NPHP4: variants seen among roughly 807,000 people sequenced by gnomAD.
The protein encoded by NPHP4 is nephrocystin-4.
In NPHP4, 151 loss-of-function variants were observed where a neutral mutation model predicts 155.8. That is an observed-to-expected ratio of 0.97 (90% CI 0.85 to 1.11). NPHP4 has a LOEUF of 1.11. NPHP4 is among the 50% of genes least tolerant of loss of function. The pLI is 0.00. For synonymous variants in NPHP4, 845 were observed against 816.8 expected, an observed-to-expected ratio of 1.03 and a Z score of -0.59; for missense variants, 1,956 against 1,925.7, an observed-to-expected ratio of 1.02 and a Z score of -0.29.
chr1:5,915,485 T>C (rs1645425061), intron 11 of NPHP4, among the ~76,000 whole-genome samples: 1 of 152,182 alleles, frequency 6.6e-6, no homozygotes, highest in Non-Finnish European at 1.5e-5. Context: ...AAAGTCATTG[T>C]TCCTAAGAGT....
At chr1:5,967,191 C>A in intron 5 of NPHP4, 108 bp downstream of exon 5, 1 of 840,918 alleles carries the variant, frequency 1.2e-6, no homozygotes, top group Non-Finnish European at 1.9e-6. Flanking sequence ...ATTAGCTAAG[C>A]AGATAGCAGT....
At chr1:5,878,182 C>G (rs17432065) in intron 19 of NPHP4, among the ~76,000 whole-genome samples, 2 of 152,184 alleles carry the variant, frequency 1.3e-5, no homozygotes, top group Non-Finnish European at 2.9e-5. Context: ...CCGAGCTCTC[C>G]CAGCCTGGTT....
chr1:5,869,540 T>C (rs546516598), intron 23 of NPHP4, among the ~76,000 whole-genome samples: 29 of 152,356 alleles, frequency 1.9e-4, no homozygotes, highest in Admixed American at 1.8e-3. Context: ...GTATTAAAAA[T>C]AAACAAATCT....
chr1:5,880,015 ACATGCACACACG>A (rs1260832551), intron 19 of NPHP4, 87 bp downstream of exon 19: 30 of 1,356,672 alleles, frequency 2.2e-5, no homozygotes, highest in South Asian at 1.9e-4. Context: ...ACACACACAC[ACATGCACACACG>A]CATGCACACA....
chr1:5,939,800 G>A (rs974120446), intron 9 of NPHP4, among the ~76,000 whole-genome samples: 5 of 152,202 alleles, frequency 3.3e-5, no homozygotes, highest in Non-Finnish European at 5.9e-5. Flanking sequence ...GTGAGACCGC[G>A]TTGTCTATGA....
rs370942610 is a variant in NPHP4, at chr1:5,865,194, C to T, written c.3724G>A (p.Ala1242Thr). The change falls in exon 27 of 30, where the codon GCA becomes ACA. Residue 1242 changes from alanine to threonine, a missense_variant. Transcript: ENST00000378156. Reference sequence around the variant, plus strand: ...AGGGACAGGCGGGTCAGCTGGCCTGCGACGCAGGAGACATCCACGCGCTGC... The same window carrying T: ...AGGGACAGGCGGGTCAGCTGGCCTGTGACGCAGGAGACATCCACGCGCTGC... The part of the protein sequence containing the change: ...SLQRVDVSCV[A>T]GQLTRLSLVL... 1.9e-5 allele frequency: 31 copies of T among 1,612,074 alleles called. No individual in the cohort carries two copies. The highest frequency in any genetic ancestry group is 1.3e-4 in the South Asian group (12 of 90,948).
Position 5,905,718 on chromosome 1 carries a change from G to T in NPHP4, c.1677C>A (p.Val559=), listed in dbSNP as rs766269440. 4 of 1,613,520 alleles carry T rather than the reference G, an allele frequency of 2.5e-6. No homozygotes were observed. The highest frequency in any genetic ancestry group is 3.3e-5 in the Admixed American group (2 of 59,946). ...LEADLSQTSL[V]LETSIAEQLQ... ...ACTGTTCGGCAATGGATGTTTCCAG[G>T]ACCAGGGAGGTCTGGCTCAGGTCGG... Residue 559 remains valine (V), a synonymous_variant, in exon 14 of 30, where the codon GTC becomes GTA. Transcript: ENST00000378156. This position sits in a 1 kb window ranked among gnomAD's most constrained non-coding sequence, Gnocchi z 4.0.
At chr1:5,972,293 A>T (rs1291083913) in intron 3 of NPHP4, among the ~76,000 whole-genome samples, 2 of 152,150 alleles carry the variant, frequency 1.3e-5, no homozygotes, top group African/African-American at 4.8e-5. Flanking sequence ...TCTGGCTCAG[A>T]CTCACACTGC....
intron 19 of NPHP4, among the ~76,000 whole-genome samples, chr1:5,877,974 C>G (rs1294740329): frequency 6.6e-6 from 1 of 152,240 alleles, no homozygotes; most frequent in Non-Finnish European, 1.5e-5. Flanking sequence ...CGACACAGAG[C>G]AGGGGCTTGG....
At chr1:5,949,990 CA>C (rs1284093399) in intron 7 of NPHP4, among the ~76,000 whole-genome samples, 1 of 152,102 alleles carries the variant, frequency 6.6e-6, no homozygotes, top group Middle Eastern at 3.2e-3. Context: ...GTTTTAAACA[CA>C]GAAGAAAAAT....
intron 29 of NPHP4, 73 bp downstream of exon 29, chr1:5,863,817 A>T: frequency 6.6e-7 from 1 of 1,526,560 alleles, no homozygotes; most frequent in Admixed American, 1.7e-5. Context: ...CTCGCTCCTA[A>T]ATGCAGGCTA....
At position 5,905,874 on chromosome 1, in the gene NPHP4, A is replaced by T. The variant is rs1366862165; in HGVS notation, c.1612-91T>A. 2.4e-5 allele frequency: 31 copies of T among 1,275,798 alleles called. No homozygotes were observed. The highest frequency in any genetic ancestry group is 3.1e-5 in the Non-Finnish European group (29 of 922,512). The allele number at this position is 1,275,798 out of a possible 1,614,324, so 79.0% of individuals were successfully genotyped here. The stretch of plus-strand genomic sequence containing the variant: ...TCAGATCTAAGGGGATTCATCGATT[A>T]ATTGCCTCTGGAGGGTTGCCAGCTC... On this transcript the variant is annotated intron_variant, in intron 13 of 29. Coordinates refer to ENST00000378156, the MANE Select transcript of NPHP4 (RefSeq NM_015102.5). This position sits in a 1 kb window ranked among gnomAD's most constrained non-coding sequence, Gnocchi z 4.0.
chr1:5,947,333 G>A (rs571392804), intron 8 of NPHP4, 103 bp from the exon 9 acceptor site: 5 of 1,240,990 alleles, frequency 4.0e-6, no homozygotes, highest in Admixed American at 3.9e-5. Context: ...CACCCTGGGG[G>A]ACACAGGGGT....
chr1:5,869,406 G>A (rs761429083), intron 23 of NPHP4, among the ~76,000 whole-genome samples: 1 of 152,198 alleles, frequency 6.6e-6, no homozygotes, highest in Non-Finnish European at 1.5e-5. Context: ...CACACACTGA[G>A]AAGGAGAGAG....
intron 8 of NPHP4, among the ~76,000 whole-genome samples, chr1:5,947,647 A>G (rs1269725944): frequency 6.6e-6 from 1 of 152,208 alleles, no homozygotes; most frequent in Non-Finnish European, 1.5e-5. Flanking sequence ...GCCTGGCACC[A>G]TGAGAGAGGA....
intron 23 of NPHP4, among the ~76,000 whole-genome samples, chr1:5,868,712 CA>C (rs1158336232): frequency 9.2e-5 from 8 of 86,572 alleles, no homozygotes; most frequent in Non-Finnish European, 1.3e-4. Context: ...GCATGCCCCA[CA>C]CACACACATG....
chr1:5,917,280 A>G (rs1645523441), intron 11 of NPHP4, among the ~76,000 whole-genome samples: 1 of 152,284 alleles, frequency 6.6e-6, no homozygotes, highest in East Asian at 1.9e-4. Flanking sequence ...CCACTGGAAC[A>G]ACTGAGTCAA....
chr1:5,961,654 C>T, intron 6 of NPHP4, 140 bp downstream of exon 6: 1 of 718,612 alleles, frequency 1.4e-6, no homozygotes, highest in South Asian at 1.7e-5. Context: ...TCCCCCACAA[C>T]CCCCGCCAGG....
At chr1:5,941,276 C>A (rs1646798696) in intron 9 of NPHP4, among the ~76,000 whole-genome samples, 1 of 18,206 alleles carries the variant, frequency 5.5e-5, no homozygotes, top group Non-Finnish European at 1.0e-4. Flanking sequence ...ACACCACAAA[C>A]AAGAGATCTA....
Sources: gnomAD v4.1 joint callset for allele counts (sites outside exome capture counted in the v4.1 genomes callset) on GRCh38, gnomAD v4.1.1 for gene constraint, Gnocchi (gnomAD v3.1) non-coding constraint, MANE v1.5 for transcripts, NCBI Gene and HGNC (gene_info 2026-07-23, HGNC 2026-07-21) for gene names.